The following ZMIZ1 variants were observed in gnomAD, a reference collection of about 807,000 sequenced individuals.
ZMIZ1 encodes zinc finger MIZ domain-containing protein 1.
Under a neutral mutation model 113.9 loss-of-function variants are expected in ZMIZ1, and 17 were observed. That is an observed-to-expected ratio of 0.15 (90% CI 0.10 to 0.22). The LOEUF (loss-of-function observed/expected upper bound fraction) is 0.22, where lower values mean the gene tolerates loss of function less well. Ranked by LOEUF, ZMIZ1 falls within the 10% of genes least tolerant of loss-of-function variation. ZMIZ1 has a pLI of 1.00. For synonymous variants in ZMIZ1, 607 were observed against 603.1 expected (o/e 1.01, Z -0.09); for missense variants, 1,059 against 1,477.8 (o/e 0.72, Z 4.65).
At position 79,311,003 on chromosome 10, in the gene ZMIZ1, C is replaced by T. The variant is rs1305607619; in HGVS notation, c.2915C>T (p.Ser972Leu). Residue 972 changes from serine (S) to leucine (L), a missense_variant, in exon 24 of 25, where the codon TCA becomes TTA. This residue lies in a region of ZMIZ1 where 225 missense variants were observed against 276.0 expected (regional missense o/e 0.82). Transcript: ENST00000334512. ...CACGTACCACACCCCAGCAGCCAGT[C>T]AGGGCCTCCATTACATCACAGTGGG... ...GLHVPHPSSQ[S>L]GPPLHHSGAP... 2 of 1,613,908 alleles carry T rather than the reference C, an allele frequency of 1.2e-6. No homozygotes were observed. The highest frequency in any genetic ancestry group is 1.7e-6 in the Non-Finnish European group (2 of 1,180,024).
At chr10:79,168,951 C>G (rs770026148) in intron 4 of ZMIZ1, among the ~76,000 whole-genome samples, 1 of 152,218 alleles carries the variant, frequency 6.6e-6, no homozygotes, top group Non-Finnish European at 1.5e-5. Flanking sequence ...TCACATCTGC[C>G]TCCCCCATTA....
chr10:79,081,620 C>T (rs1842661161), intron 1 of ZMIZ1, among the ~76,000 whole-genome samples: 2 of 152,206 alleles, frequency 1.3e-5, no homozygotes, highest in Admixed American at 1.3e-4. Flanking sequence ...TGCTTCCTCC[C>T]CTGTGGACCA....
intron 7 of ZMIZ1, among the ~76,000 whole-genome samples, chr10:79,246,272 T>C (rs1850190572): frequency 1.3e-5 from 2 of 152,220 alleles, no homozygotes; most frequent in Admixed American, 1.3e-4. Flanking sequence ...AGGAGCAGCC[T>C]CAGACCTCCC....
intron 2 of ZMIZ1, 31 bp from the exon 3 acceptor site, chr10:79,139,651 C>T (rs1438604425): frequency 2.5e-6 from 1 of 398,476 alleles, no homozygotes; most frequent in African/African-American, 2.1e-5. Context: ...CCTGCTCTCA[C>T]ACACGTCTCA....
chr10:79,248,787 C>T (rs552052488), intron 7 of ZMIZ1, among the ~76,000 whole-genome samples: 8 of 152,138 alleles, frequency 5.3e-5, no homozygotes, highest in Non-Finnish European at 1.2e-4. Flanking sequence ...CCTAGTCCCT[C>T]GGGGGATTCT....
At chr10:79,134,665 G>A (rs182886825) in intron 2 of ZMIZ1, among the ~76,000 whole-genome samples, 22 of 152,198 alleles carry the variant, frequency 1.4e-4, no homozygotes, top group Non-Finnish European at 2.5e-4. Context: ...TGGGCTATCC[G>A]GACACATGTG....
chr10:79,264,923 A>G (rs907973981), intron 7 of ZMIZ1, among the ~76,000 whole-genome samples: 1 of 152,056 alleles, frequency 6.6e-6, no homozygotes. Context: ...TGAGTTAGAG[A>G]TGATAGTGTG....
chr10:79,207,781 T>G (rs558264432), intron 5 of ZMIZ1, among the ~76,000 whole-genome samples: 3 of 151,864 alleles, frequency 2.0e-5, no homozygotes, highest in Non-Finnish European at 4.4e-5. Context: ...CCCATCACCT[T>G]ATGTGGCTAG....
chr10:79,166,441 G>A (rs899802074), intron 4 of ZMIZ1, among the ~76,000 whole-genome samples: 4 of 152,250 alleles, frequency 2.6e-5, no homozygotes, highest in Admixed American at 6.5e-5. Flanking sequence ...GTGTGGCCAG[G>A]TGGTGGGGGA....
At chr10:79,182,456 G>T (rs11591421) in intron 4 of ZMIZ1, among the ~76,000 whole-genome samples, 176 of 152,256 alleles carry the variant, frequency 1.2e-3, no homozygotes, top group Non-Finnish European at 1.7e-3. Flanking sequence ...GCTGGGTTTG[G>T]GGGGAGAGTG....
chr10:79,268,138 G>A, intron 7 of ZMIZ1, among the ~76,000 whole-genome samples: 1 of 152,342 alleles, frequency 6.6e-6, no homozygotes, highest in Non-Finnish European at 1.5e-5. Context: ...GTGAGATGCT[G>A]GGAACATCTC....
chr10:79,311,173 C>T lies in ZMIZ1; in HGVS notation c.3085C>T (p.Pro1029Ser), dbSNP rs1212983848. 4 of 1,611,020 alleles carry T rather than the reference C, an allele frequency of 2.5e-6. No homozygotes were observed. The Admixed American group carries it at 6.7e-5, about 27-fold the overall frequency. ...GCAGGGAGCGTCCGACATGCCGGAG[C>T]CTTCGCTGGATGTAAGTTGGGGTCG... Reference protein sequence around the residue: ...GAQGASDMPEPSLDLLPELTN... With the variant: ...GAQGASDMPESSLDLLPELTN... Residue 1029 changes from proline (P) to serine (S), a missense_variant, in exon 24 of 25, where the codon CCT becomes TCT. Coordinates refer to ENST00000334512, the MANE Select transcript of ZMIZ1 (RefSeq NM_020338.4).
intron 22 of ZMIZ1, 109 bp from the exon 23 acceptor site, chr10:79,307,296 C>G: frequency 8.6e-7 from 1 of 1,166,226 alleles, no homozygotes; most frequent in Non-Finnish European, 1.2e-6. Flanking sequence ...ACTACAGCCT[C>G]GCAAGAGGAA....
At chr10:79,270,633 C>T (rs915203282) in intron 7 of ZMIZ1, among the ~76,000 whole-genome samples, 1 of 152,156 alleles carries the variant, frequency 6.6e-6, no homozygotes, top group Non-Finnish European at 1.5e-5. Context: ...CTGGTGTCCC[C>T]GTGGCTTCCT....
At chr10:79,234,836 CTT>C (rs1263584129) in intron 7 of ZMIZ1, among the ~76,000 whole-genome samples, 1 of 152,200 alleles carries the variant, frequency 6.6e-6, no homozygotes, top group Non-Finnish European at 1.5e-5. Context: ...CCCAGCCAGA[CTT>C]GGGGAGGCCA....
chr10:79,302,680 G>GTTTTTTTT (rs1854386209), intron 18 of ZMIZ1, among the ~76,000 whole-genome samples: 3 of 76,768 alleles, frequency 3.9e-5, no homozygotes, highest in Non-Finnish European at 5.8e-5. Context: ...AACAGCTCAT[G>GTTTTTTTT]CTTTTTTTTT....
chr10:79,159,842 G>A (rs1228062310), intron 3 of ZMIZ1, among the ~76,000 whole-genome samples: 1 of 152,168 alleles, frequency 6.6e-6, no homozygotes, highest in African/African-American at 2.4e-5. Context: ...TCTGATCTCA[G>A]TTTGCCCCTT....
chr10:79,214,446 T>C (rs1458565290), intron 6 of ZMIZ1, among the ~76,000 whole-genome samples: 1 of 152,208 alleles, frequency 6.6e-6, no homozygotes, highest in East Asian at 1.9e-4. Context: ...CTGGTGATCC[T>C]GGGAAGGGGA....
At chr10:79,090,795 T>G (rs755799991) in intron 1 of ZMIZ1, among the ~76,000 whole-genome samples, 3 of 152,216 alleles carry the variant, frequency 2.0e-5, no homozygotes, top group Non-Finnish European at 4.4e-5. Context: ...GTGCCCACTT[T>G]GAGAAGCCAG....
Sources: gnomAD v4.1 joint callset for allele counts (sites outside exome capture counted in the v4.1 genomes callset) on GRCh38, gnomAD v4.1.1 for gene constraint, gnomAD v4.1.1 regional missense constraint, MANE v1.5 for transcripts, NCBI Gene and HGNC (gene_info 2026-07-23, HGNC 2026-07-21) for gene names.